SHE: variants seen among roughly 807,000 people sequenced by gnomAD.
SHE encodes SH2 domain-containing adapter protein E.
SHE carries 11 observed loss-of-function variants against 49.8 expected under a neutral mutation model. The ratio of observed to expected loss-of-function variants is 0.22; its 90% CI spans 0.14 to 0.37. The LOEUF is 0.37. Among genes scored for constraint, SHE ranks in the 10% least tolerant of loss-of-function variants. The pLI, the probability that SHE is intolerant of heterozygous loss-of-function variation, is 1.00. For missense variants in SHE, 624 were observed against 655.5 expected, an observed-to-expected ratio of 0.95 and a Z score of 0.52; for synonymous variants, 310 against 278.1, an observed-to-expected ratio of 1.11 and a Z score of -1.14.
intron 2 of SHE, among the ~76,000 whole-genome samples, chr1:154,498,834 T>C (rs1692617751): frequency 6.6e-6 from 1 of 152,206 alleles, no homozygotes; most frequent in Non-Finnish European, 1.5e-5. Context: ...CTGAACATCA[T>C]ATTCTGAGCA....
chr1:154,480,724 T>C lies in SHE; in HGVS notation c.*3425A>G. On this transcript the variant is annotated 3_prime_UTR_variant, in exon 6 of 6. Transcript: ENST00000304760. ...AACAGAGAGTAGATATATCAATATT[T>C]ACCTTTTTGTATACATATTAACACT... 3 of 985,434 alleles carry C rather than the reference T, an allele frequency of 3.0e-6. No individual in the cohort carries two copies. The highest frequency in any genetic ancestry group is 3.6e-6 in the Non-Finnish European group (3 of 829,920). The allele number at this position is 985,434 out of a possible 1,614,324, so 61.0% of individuals were successfully genotyped here. A position where few individuals can be genotyped will look rare whatever the true frequency, so the allele number is the denominator to read the frequency against.
At chr1:154,471,023 A>C (rs569075925) in intron 1 of SHE, among the ~76,000 whole-genome samples, 1 of 66,132 alleles carries the variant, frequency 1.5e-5, no homozygotes, top group African/African-American at 3.9e-5. Flanking sequence ...CTCAAAAAAA[A>C]AAAAACACAA....
At chr1:154,473,428 T>C (rs955932513) in intron 1 of SHE, among the ~76,000 whole-genome samples, 2 of 151,826 alleles carry the variant, frequency 1.3e-5, no homozygotes, top group African/African-American at 4.8e-5. Context: ...TGAGCCGTGA[T>C]AGTACCACTG....
chr1:154,485,638 C>T (rs1692153068), intron 5 of SHE: 3 of 248,582 alleles, frequency 1.2e-5, no homozygotes, highest in Non-Finnish European at 2.4e-5. Flanking sequence ...TTCTTTTCAT[C>T]AGGAATTATT....
Position 154,489,235 on chromosome 1 carries a change from C to T in SHE, c.840G>A (p.Lys280=), listed in dbSNP as rs779866825. The T allele has an allele frequency of 6.2e-7, 1 of 1,614,222 alleles. No individual in the cohort carries two copies. Among genetic ancestry groups the T allele is most frequent in the South Asian group, 1.1e-5 (1 of 91,082 alleles). ...GCTGTGGCGGCTTCCCCAGGAGGTC[C>T]TTGGAACTCCGTCTTTTGGCCAAGG... is the stretch of plus-strand genomic sequence containing the variant. ...SETLAKRRSS[K]DLLGKPPQLY... Residue 280 remains lysine (K), a synonymous_variant, in exon 3 of 6, where the codon AAG becomes AAA. Coordinates refer to ENST00000304760, the MANE Select transcript of SHE (RefSeq NM_001010846.3).
Position 154,502,060 on chromosome 1 carries a change from G to A in SHE, c.-34C>T. 1 of 1,260,986 alleles carries A rather than the reference G, an allele frequency of 7.9e-7. No individual in the cohort carries two copies. The highest frequency in any genetic ancestry group is 9.9e-7 in the Non-Finnish European group (1 of 1,005,780). 78.1% of individuals were successfully genotyped at this position (1,260,986 alleles called of 1,614,324 possible). ...ACTGGGGCGCTGGAGGCCGCGGCGAGGCCCCGCGACGGCTGCTCCGTGCGC... is the reference window on the plus strand; with the variant it reads ...ACTGGGGCGCTGGAGGCCGCGGCGAAGCCCCGCGACGGCTGCTCCGTGCGC... On this transcript the variant is annotated 5_prime_UTR_variant, in exon 1 of 6. Coordinates refer to ENST00000304760, the MANE Select transcript of SHE (RefSeq NM_001010846.3).
chr1:154,494,374 G>GTTT (rs779645667), intron 2 of SHE, among the ~76,000 whole-genome samples: 5,516 of 118,622 alleles, frequency 0.047, 212 homozygotes, highest in Non-Finnish European at 0.067. Flanking sequence ...AGACATAACA[G>GTTT]TTTTTTTTTT....
At position 154,489,028 on chromosome 1, in the gene SHE, C is replaced by G. The variant is rs183093102; in HGVS notation, c.1024+23G>C. Reference sequence around the variant, plus strand: ...CCAGAAGACTGAAGTCACACTGGGGCGGGCCTGGCCTGGCGCCCTCACCTG... The same window carrying G: ...CCAGAAGACTGAAGTCACACTGGGGGGGGCCTGGCCTGGCGCCCTCACCTG... On this transcript the variant is annotated intron_variant, in intron 3 of 5. Transcript: ENST00000304760. 1.9e-3 allele frequency: 2,860 copies of G among 1,527,100 alleles called. 102 individuals are homozygous for G. In the Admixed American group the frequency reaches 0.056, roughly 30 times the overall value. The allele number at this position is 1,527,100 out of a possible 1,614,324, so 94.6% of individuals were successfully genotyped here.
In SHE at chr1:154,501,446, T is replaced by A. The variant is rs1692739276; in HGVS notation, c.581A>T (p.Gln194Leu). 1 of 1,614,054 alleles carries A rather than the reference T, an allele frequency of 6.2e-7. No individual in the cohort carries two copies. The highest frequency in any genetic ancestry group is 2.2e-5 in the East Asian group (1 of 44,894). Residue 194 changes from glutamine to leucine, a missense_variant, in exon 1 of 6, where the codon CAG (glutamine) becomes CTG (leucine). Around this residue, in one of 4 missense-constraint regions of SHE, gnomAD observed 337 missense variants for 306.0 expected, o/e 1.10. Coordinates refer to ENST00000304760, the MANE Select transcript of SHE (RefSeq NM_001010846.3). ...PELDKGKIIK[Q>L]QETVIILEDY... ...AGGCTGTATTCTTACCGTCTCTTGC[T>A]GCTTAATAATCTTGCCCTTGTCCAG...
chr1:154,484,288 T>C lies in SHE; in HGVS notation c.1349A>G (p.Asn450Ser), dbSNP rs777025092. The change falls in exon 6 of 6, where the codon AAC becomes AGC. Residue 450 changes from asparagine (N) to serine (S), a missense_variant. Physicochemically the swap from Asn to Ser is conservative, Grantham distance 46. This residue lies in a region of SHE where 125 missense variants were observed against 181.7 expected (regional missense o/e 0.69). Coordinates refer to ENST00000304760, the MANE Select transcript of SHE (RefSeq NM_001010846.3). The stretch of plus-strand genomic sequence containing the variant: ...GCTTGTCTGATTCAGTGTGTATTTG[T>C]TGTCTTTGGTCTGAGCCACTATGAT... ...VHIIVAQTKD[N>S]KYTLNQTSAV... 22 of 1,614,238 alleles carry C rather than the reference T, an allele frequency of 1.4e-5. No individual in the cohort carries two copies. Among genetic ancestry groups the C allele is most frequent in the Non-Finnish European group, 1.7e-5 (20 of 1,180,036 alleles).
chr1:154,487,933 G>A (rs1031774325), intron 3 of SHE, among the ~76,000 whole-genome samples: 1 of 149,586 alleles, frequency 6.7e-6, no homozygotes, highest in Non-Finnish European at 1.5e-5. Context: ...CCTTTACATT[G>A]GTTATACTTT....
Position 154,479,989 on chromosome 1 carries a change from G to C in SHE, c.*4160C>G, listed in dbSNP as rs1368129523. On this transcript the variant is annotated 3_prime_UTR_variant, in exon 6 of 6. Transcript: ENST00000304760. Reference sequence around the variant, plus strand: ...AAATGCACAGCTGCTTTTCCCAACTGCAGTTTTCTCTTTTCCCATTAGATG... The same window carrying C: ...AAATGCACAGCTGCTTTTCCCAACTCCAGTTTTCTCTTTTCCCATTAGATG... The C allele has an allele frequency of 1.0e-6, 1 of 985,310 alleles. No homozygotes were observed. Among genetic ancestry groups the C allele is most frequent in the Non-Finnish European group, 1.2e-6 (1 of 829,954 alleles). The allele number at this position is 985,310 out of a possible 1,614,324, so 61.0% of individuals were successfully genotyped here. A position where few individuals can be genotyped will look rare whatever the true frequency, so the allele number is the denominator to read the frequency against.
chr1:154,480,964 A>G lies in SHE; in HGVS notation c.*3185T>C, dbSNP rs978666956. ...GAAGAACACTGACACAGCTCTATGG[A>G]TGCTAAATTCAAGGCAAATTCACTG... On this transcript the variant is annotated 3_prime_UTR_variant, in exon 6 of 6. Transcript: ENST00000304760. 7.1e-6 allele frequency: 7 copies of G among 985,302 alleles called. No homozygotes were observed. The African/African-American group carries it at 8.7e-5, about 12-fold the overall frequency. 61.0% of individuals were successfully genotyped at this position (985,302 alleles called of 1,614,324 possible).
At chr1:154,476,869 A>T (rs752271416), downstream of SHE, among the ~76,000 whole-genome samples, 1 of 152,260 alleles carries the variant, frequency 6.6e-6, no homozygotes, top group Non-Finnish European at 1.5e-5. Context: ...CACATAAATT[A>T]GAAGGCAATC....
In SHE at chr1:154,481,106, T is replaced by C; in HGVS notation, c.*3043A>G. Reference sequence around the variant, plus strand: ...GACAAAAAGCCAGAGCATTCAGAGCTCAGAGAACATGTCACAGAGCTTCAG... The same window carrying C: ...GACAAAAAGCCAGAGCATTCAGAGCCCAGAGAACATGTCACAGAGCTTCAG... On this transcript the variant is annotated 3_prime_UTR_variant, in exon 6 of 6. Transcript: ENST00000304760. The C allele has an allele frequency of 1.0e-6, 1 of 985,442 alleles. No individual in the cohort carries two copies. Among genetic ancestry groups the C allele is most frequent in the Non-Finnish European group, 1.2e-6 (1 of 829,936 alleles). The allele number at this position is 985,442 out of a possible 1,614,324, so 61.0% of individuals were successfully genotyped here.
In SHE at chr1:154,488,409, C is replaced by T. The variant is rs550047636; in HGVS notation, c.1024+642G>A. ...GAGTAGCTGGGACTACAGGTGTACGCCACCACGTCCAGCTAATTTTTGTAT... is the reference window on the plus strand; with the variant it reads ...GAGTAGCTGGGACTACAGGTGTACGTCACCACGTCCAGCTAATTTTTGTAT... On this transcript the variant is annotated intron_variant, in intron 3 of 5. Coordinates refer to ENST00000304760, the MANE Select transcript of SHE (RefSeq NM_001010846.3). Among the ~76,000 whole-genome samples the T allele has an allele frequency of 2.4e-4, 36 of 152,002 alleles. 1 individual carries two copies. The South Asian group carries it at 7.3e-3, about 31-fold the overall frequency.
At chr1:154,484,365 A>G in intron 5 of SHE, 30 bp from the exon 6 acceptor site, 1 of 1,587,796 alleles carries the variant, frequency 6.3e-7, no homozygotes. Context: ...GGAGACATGA[A>G]TGAGTGGGCA....
At chr1:154,486,457 T>C in intron 4 of SHE, 70 bp downstream of exon 4, 1 of 1,569,690 alleles carries the variant, frequency 6.4e-7, no homozygotes, top group East Asian at 2.3e-5. Flanking sequence ...AATGGGCCAA[T>C]GTGCTCCCTG....
chr1:154,486,785 A>C, intron 3 of SHE, 102 bp from the exon 4 acceptor site: 1 of 1,355,746 alleles, frequency 7.4e-7, no homozygotes, highest in Admixed American at 2.1e-5. Flanking sequence ...GGAAAGAAGC[A>C]TTTTCCCCCT....
Sources: gnomAD v4.1 joint callset for allele counts (sites outside exome capture counted in the v4.1 genomes callset) on GRCh38, gnomAD v4.1.1 for gene constraint, gnomAD v4.1.1 regional missense constraint, MANE v1.5 for transcripts, NCBI Gene and HGNC (gene_info 2026-07-23, HGNC 2026-07-21) for gene names.